COBLL1: variants seen among roughly 807,000 people sequenced by gnomAD.
The protein encoded by COBLL1 is cordon-bleu protein-like 1.
In COBLL1, 50 loss-of-function variants were observed where a neutral mutation model predicts 94.8. That is an observed-to-expected ratio of 0.53 (90% CI 0.42 to 0.67). The LOEUF is 0.67. Among genes scored for constraint, COBLL1 ranks in the 30% least tolerant of loss-of-function variants. The pLI, the probability that COBLL1 is intolerant of heterozygous loss-of-function variation, is 0.00. For synonymous variants in COBLL1, 448 were observed against 473.8 expected (o/e 0.95, Z 0.71); for missense variants, 1,362 against 1,348.7 (o/e 1.01, Z -0.15).
At chr2:164,800,615 T>C in intron 2 of COBLL1, 2 of 697,318 alleles carry the variant, frequency 2.9e-6, no homozygotes, top group Admixed American at 2.0e-5. Context: ...TGTACTTGAA[T>C]GTTCTATTCA....
chr2:164,679,713 A>G (rs572741192), downstream of COBLL1, among the ~76,000 whole-genome samples: 1 of 151,294 alleles, frequency 6.6e-6, no homozygotes, highest in South Asian at 2.1e-4. Flanking sequence ...CAAACACCGC[A>G]TAAATGGGAG....
intron 3 of COBLL1, among the ~76,000 whole-genome samples, chr2:164,733,925 G>T (rs902443738): frequency 2.0e-5 from 3 of 152,118 alleles, no homozygotes; most frequent in Non-Finnish European, 4.4e-5. Flanking sequence ...TTGGTGAATG[G>T]CTGCCATACT....
chr2:164,695,480 T>C lies in COBLL1; in HGVS notation c.1912A>G (p.Ile638Val), dbSNP rs769303043. The C allele has an allele frequency of 6.2e-7, 1 of 1,613,980 alleles. No individual in the cohort carries two copies. Among genetic ancestry groups the C allele is most frequent in the South Asian group, 1.1e-5 (1 of 91,076 alleles). ...CTTAAGCATGAGTGTTGAGTTGATATGTTGTTATTTGAAGTTTGCACACAT... is the reference window on the plus strand; with the variant it reads ...CTTAAGCATGAGTGTTGAGTTGATACGTTGTTATTTGAAGTTTGCACACAT... ...EECVQTSNNN[I>V]STQHSCLSSQ... Residue 638 changes from isoleucine to valine, a missense_variant, in exon 12 of 14, where the codon ATA becomes GTA. By Grantham distance (29) the Ile-to-Val change is conservative (BLOSUM62 3). Coordinates refer to ENST00000652658, the MANE Select transcript of COBLL1 (RefSeq NM_001365672.2).
At chr2:164,755,987 CTATACA>C (rs1187405837) in intron 2 of COBLL1, among the ~76,000 whole-genome samples, 1 of 150,668 alleles carries the variant, frequency 6.6e-6, no homozygotes, top group African/African-American at 2.4e-5. Flanking sequence ...TAAATACATT[CTATACA>C]TATAGTACAC....
rs146925603 is a variant in COBLL1, at chr2:164,818,554, T to C, written c.41+22602A>G. Among the ~76,000 whole-genome samples the C allele has an allele frequency of 2.7e-5, 4 of 148,530 alleles. No individual in the cohort carries two copies. In the East Asian group the frequency reaches 5.9e-4, roughly 22 times the overall value. On this transcript the variant is annotated intron_variant, in intron 2 of 13. Coordinates refer to ENST00000652658, the MANE Select transcript of COBLL1 (RefSeq NM_001365672.2). ...ATACATATTTACATATATGTGTACA[T>C]ATGTACACATATATAGCATATATGT...
chr2:164,755,224 C>G (rs1320838365), intron 2 of COBLL1, among the ~76,000 whole-genome samples: 1 of 152,118 alleles, frequency 6.6e-6, no homozygotes, highest in African/African-American at 2.4e-5. Flanking sequence ...TTCCCTCTAG[C>G]ATGTAGAGTA....
intron 1 of COBLL1, among the ~76,000 whole-genome samples, chr2:164,672,728 A>T (rs10194905): frequency 4.4e-4 from 58 of 132,532 alleles, no homozygotes; most frequent in South Asian, 4.4e-4. Flanking sequence ...AAAAAAAAAA[A>T]ATGACTTTGT....
At chr2:164,803,514 G>A (rs899232285) in intron 2 of COBLL1, among the ~76,000 whole-genome samples, 1 of 150,754 alleles carries the variant, frequency 6.6e-6, no homozygotes, top group Non-Finnish European at 1.5e-5. Flanking sequence ...GCAGTGAGCC[G>A]AGATCCCGCC....
At chr2:164,694,226 G>A in intron 12 of COBLL1, 43 bp downstream of exon 12, 2 of 1,555,486 alleles carry the variant, frequency 1.3e-6, no homozygotes, top group Non-Finnish European at 1.7e-6. Context: ...ATTAAACCAT[G>A]TCATTAAATT....
intron 7 of COBLL1, among the ~76,000 whole-genome samples, chr2:164,711,807 G>A (rs1346340043): frequency 6.6e-6 from 1 of 152,132 alleles, no homozygotes; most frequent in Non-Finnish European, 1.5e-5. Flanking sequence ...TTTACAAAAT[G>A]AGAAAACACA....
chr2:164,838,907 T>C (rs1683451127), intron 2 of COBLL1, among the ~76,000 whole-genome samples: 1 of 152,186 alleles, frequency 6.6e-6, no homozygotes. Context: ...AATACCCTTA[T>C]CTAGATATTT....
At chr2:164,704,294 C>A in intron 9 of COBLL1, 150 bp downstream of exon 9, 1 of 611,796 alleles carries the variant, frequency 1.6e-6, no homozygotes. Flanking sequence ...GGGGTGGGGG[C>A]AAGAATTTAT....
intron 2 of COBLL1, among the ~76,000 whole-genome samples, chr2:164,770,031 G>C (rs1215676921): frequency 6.6e-6 from 1 of 152,178 alleles, no homozygotes; most frequent in Non-Finnish European, 1.5e-5. Context: ...ACAATGTGCA[G>C]GAGATTATAT....
Position 164,730,045 on chromosome 2 carries a change from C to G in COBLL1, c.301G>C (p.Asp101His), listed in dbSNP as rs756776503. 1.9e-6 allele frequency: 3 copies of G among 1,613,704 alleles called. No homozygotes were observed. Among genetic ancestry groups the G allele is most frequent in the Non-Finnish European group, 1.7e-6 (2 of 1,179,926 alleles). Reference sequence around the variant, plus strand: ...TGGTTCTGTTCAGCTGACAACAGATCGATTGTGTAACTTGATGGATTTAAG... The same window carrying G: ...TGGTTCTGTTCAGCTGACAACAGATGGATTGTGTAACTTGATGGATTTAAG... Reference protein sequence around the residue: ...YHLNPSSYTIDLLSAEQNHIK... With the variant: ...YHLNPSSYTIHLLSAEQNHIK... Residue 101 changes from aspartate (D) to histidine (H), a missense_variant, in exon 4 of 14, where the codon GAT becomes CAT. Transcript: ENST00000652658.
At position 164,728,141 on chromosome 2, in the gene COBLL1, C is replaced by T. The variant is rs748961597; in HGVS notation, c.489G>A (p.Val163=). Residue 163 remains valine (V), a synonymous_variant, in exon 5 of 14, where the codon GTG becomes GTA. Coordinates refer to ENST00000652658, the MANE Select transcript of COBLL1 (RefSeq NM_001365672.2). The part of the protein sequence containing the change: ...FKKTQKTIVR[V]SPHASLQELA... The stretch of plus-strand genomic sequence containing the variant: ...GCTCTTGAAGCGATGCATGTGGACT[C>T]ACTCTCACTATGGTCTTCTGTGTTT... 2.5e-6 allele frequency: 4 copies of T among 1,613,764 alleles called. No individual in the cohort carries two copies. In the South Asian group the frequency reaches 4.4e-5, roughly 18 times the overall value.
At chr2:164,820,135 C>T (rs112208693) in intron 2 of COBLL1, among the ~76,000 whole-genome samples, 1,980 of 149,916 alleles carry the variant, frequency 0.013, 24 homozygotes, top group Middle Eastern at 0.033. Context: ...TGCCAGCCAC[C>T]ACTGGGTTTT....
intron 2 of COBLL1, chr2:164,800,592 G>A (rs1352807371): frequency 1.4e-6 from 1 of 701,476 alleles, no homozygotes; most frequent in African/African-American, 1.7e-5. Flanking sequence ...TTTTGTACTT[G>A]AAATGAAAAT....
chr2:164,816,130 A>G lies in COBLL1; in HGVS notation c.41+25026T>C, dbSNP rs1163778886. On this transcript the variant is annotated intron_variant, in intron 2 of 13. Transcript: ENST00000652658. The stretch of plus-strand genomic sequence containing the variant: ...AGTATCATGAAAGAAAAAGAGAAGA[A>G]ATGCATTTGGTTTGAGGATCTGTGA... Among the ~76,000 whole-genome samples, 5 of 151,980 alleles carry G rather than the reference A, an allele frequency of 3.3e-5. No homozygotes were observed. The South Asian group carries it at 1.0e-3, about 32-fold the overall frequency.
chr2:164,701,712 G>T lies in COBLL1; in HGVS notation c.1226-956C>A, dbSNP rs535921322. Reference sequence around the variant, plus strand: ...TATCACCAACAACCAGTAGCCAGCAGGGTAAAAGAGAAGGAGGCATCCTGA... The same window carrying T: ...TATCACCAACAACCAGTAGCCAGCATGGTAAAAGAGAAGGAGGCATCCTGA... On this transcript the variant is annotated intron_variant, in intron 9 of 13. Transcript: ENST00000652658. Among the ~76,000 whole-genome samples, 4 of 151,958 alleles carry T rather than the reference G, an allele frequency of 2.6e-5. No individual in the cohort carries two copies. The East Asian group carries it at 7.7e-4, about 29-fold the overall frequency.
Sources: allele counts gnomAD v4.1 joint callset (sites outside exome capture counted in the v4.1 genomes callset), GRCh38; gene constraint gnomAD v4.1.1; transcripts MANE v1.5; gene names NCBI Gene and HGNC (gene_info 2026-07-23, HGNC 2026-07-21).